Variants in TTC7A observed in about 807,000 individuals in gnomAD.
TTC7A encodes tetratricopeptide repeat protein 7A.
Under a neutral mutation model 103.7 loss-of-function variants are expected in TTC7A, and 110 were observed. The ratio of observed to expected loss-of-function variants is 1.06; its 90% CI spans 0.91 to 1.24. The LOEUF (loss-of-function observed/expected upper bound fraction) is 1.24. Ranked by LOEUF, TTC7A falls within the 50% of genes most tolerant of loss-of-function variation. The pLI is 0.00. For missense variants in TTC7A, 1,340 were observed against 1,116.3 expected (o/e 1.20, Z -2.86); for synonymous variants, 521 against 467.9 (o/e 1.11, Z -1.47).
At chr2:46,974,622 AAGG>A (rs1673670071) in intron 3 of TTC7A, 2 of 456,524 alleles carry the variant, frequency 4.4e-6, no homozygotes, top group African/African-American at 4.0e-5. Flanking sequence ...AACTAGGGAA[AAGG>A]AGGAAAGAGG....
intron 1 of TTC7A, among the ~76,000 whole-genome samples, chr2:46,942,882 T>A (rs1164845544): frequency 6.6e-6 from 1 of 151,564 alleles, no homozygotes; most frequent in Non-Finnish European, 1.5e-5. Context: ...TTGGTTGTCT[T>A]TTTGTTTTTG....
chr2:46,969,074 C>A (rs1673119534), intron 3 of TTC7A, among the ~76,000 whole-genome samples: 1 of 151,664 alleles, frequency 6.6e-6, no homozygotes, highest in Non-Finnish European at 1.5e-5. Flanking sequence ...GCCTTATTTT[C>A]TATTGATATA....
chr2:46,917,264 C>G (rs758465679), exon 2 of TTC7A: 2 of 697,554 alleles, frequency 2.9e-6, no homozygotes, highest in South Asian at 3.0e-5. Flanking sequence ...TCCCAAAGTG[C>G]TGGGATTACA....
intron 19 of TTC7A, among the ~76,000 whole-genome samples, chr2:47,062,164 C>G (rs1558643049): frequency 6.6e-6 from 1 of 152,222 alleles, no homozygotes; most frequent in Non-Finnish European, 1.5e-5. Context: ...AGTCTAGGCA[C>G]ATACTCAGTA....
In TTC7A at chr2:47,022,687, G is replaced by A. The variant is rs1291040633; in HGVS notation, c.1510+708G>A. Among the ~76,000 whole-genome samples, 7 of 152,126 alleles carry A rather than the reference G, an allele frequency of 4.6e-5. No homozygotes were observed. The South Asian group carries it at 8.3e-4, about 18-fold the overall frequency. On this transcript the variant is annotated intron_variant, in intron 12 of 19. Transcript: ENST00000319190. ...GCCAGTTGCTGGGAGCGGCAGTCAC[G>A]GTGACATCGGGTATAAATGAGCCCT... is the stretch of plus-strand genomic sequence containing the variant.
In TTC7A at chr2:47,074,102, T is replaced by G. The variant is rs1423098075; in HGVS notation, c.*179T>G. 1.7e-6 allele frequency: 1 copy of G among 604,656 alleles called. No individual in the cohort carries two copies. Among genetic ancestry groups the G allele is most frequent in the East Asian group, 2.8e-5 (1 of 36,156 alleles). 37.5% of individuals were successfully genotyped at this position (604,656 alleles called of 1,614,324 possible). On this transcript the variant is annotated 3_prime_UTR_variant, in exon 20 of 20. Transcript: ENST00000319190. The stretch of plus-strand genomic sequence containing the variant: ...CTGGGCCAAGAGGGCCTTCCTGGAT[T>G]TCTTTGTTGGTGCCTTGGGAAACAG...
chr2:46,916,137 C>T (rs1668777248), upstream of TTC7A: 3 of 985,420 alleles, frequency 3.0e-6, no homozygotes, highest in Non-Finnish European at 3.6e-6. Flanking sequence ...CCAAAGCTGG[C>T]TCCCAACTCC....
At chr2:47,031,961 C>T (rs977688858) in intron 15 of TTC7A, among the ~76,000 whole-genome samples, 3 of 152,236 alleles carry the variant, frequency 2.0e-5, no homozygotes, top group Non-Finnish European at 4.4e-5. Flanking sequence ...CTGCGTTCAT[C>T]TTCCCAGGCT....
intron 8 of TTC7A, among the ~76,000 whole-genome samples, chr2:46,997,393 G>A (rs963519896): frequency 6.6e-6 from 1 of 152,122 alleles, no homozygotes; most frequent in African/African-American, 2.4e-5. Context: ...AGCTAGGGAG[G>A]TTCCAAGCTG....
intron 15 of TTC7A, among the ~76,000 whole-genome samples, chr2:47,042,976 G>A (rs906078635): frequency 2.0e-5 from 3 of 152,186 alleles, no homozygotes; most frequent in Non-Finnish European, 4.4e-5. Flanking sequence ...AGGAGTCACA[G>A]CGTTCTGGTG....
intron 16 of TTC7A, among the ~76,000 whole-genome samples, chr2:47,049,232 C>T (rs1306380980): frequency 1.3e-5 from 2 of 152,150 alleles, no homozygotes; most frequent in Admixed American, 6.5e-5. Flanking sequence ...TGGGCTTCCT[C>T]GGCAGTGGGA....
intron 8 of TTC7A, among the ~76,000 whole-genome samples, chr2:46,996,123 T>C (rs1007992451): frequency 1.3e-5 from 2 of 152,178 alleles, no homozygotes; most frequent in Non-Finnish European, 2.9e-5. Context: ...CCAAGCACTT[T>C]GGGTGCTCAG....
intron 14 of TTC7A, among the ~76,000 whole-genome samples, chr2:47,024,805 G>A (rs1679709139): frequency 6.6e-6 from 1 of 152,042 alleles, no homozygotes; most frequent in Admixed American, 6.5e-5. Flanking sequence ...TTGGCTTCTG[G>A]GGCCCCATAG....
chr2:46,928,952 G>T (rs140724756), intron 2 of TTC7A, among the ~76,000 whole-genome samples: 125 of 152,124 alleles, frequency 8.2e-4, no homozygotes, highest in African/African-American at 2.9e-3. Flanking sequence ...TACTTGAGGT[G>T]AGGATTTTGA....
At chr2:46,956,588 G>A (rs1485759417) in intron 2 of TTC7A, 3 of 502,204 alleles carry the variant, frequency 6.0e-6, no homozygotes, top group Non-Finnish European at 1.1e-5. Context: ...TCTTGCTGGG[G>A]GCATAAAACG....
intron 15 of TTC7A, among the ~76,000 whole-genome samples, chr2:47,031,603 A>G (rs1160679312): frequency 1.3e-5 from 2 of 152,330 alleles, no homozygotes; most frequent in East Asian, 3.9e-4. Flanking sequence ...GAATTTCCTA[A>G]TGAAATCTTC....
In TTC7A at chr2:46,956,962, C is replaced by T; in HGVS notation, c.472C>T (p.Pro158Ser). ...GIDDMSMENK[P>S]LYQMRLLSEA... ...TGATGACATGTCCATGGAGAACAAG[C>T]CCCTGTATCAGATGCGGCTGCTGTC... is the stretch of plus-strand genomic sequence containing the variant. The change falls in exon 3 of 20, where the codon CCC (proline) becomes TCC (serine). Residue 158 changes from proline to serine, a missense_variant. Physicochemically the swap from Pro to Ser is moderately conservative, Grantham distance 74. Coordinates refer to ENST00000319190, the MANE Select transcript of TTC7A (RefSeq NM_020458.4). 6.2e-7 allele frequency: 1 copy of T among 1,614,142 alleles called. No homozygotes were observed. The highest frequency in any genetic ancestry group is 1.1e-5 in the South Asian group (1 of 91,082).
At chr2:46,975,726 A>G (rs973425035) in intron 4 of TTC7A, among the ~76,000 whole-genome samples, 2 of 151,060 alleles carry the variant, frequency 1.3e-5, no homozygotes, top group Non-Finnish European at 3.0e-5. Flanking sequence ...ATTTTTATGC[A>G]TTTTATTTAT....
chr2:46,994,501 T>A lies in TTC7A; in HGVS notation c.988T>A (p.Tyr330Asn). 6.2e-7 allele frequency: 1 copy of A among 1,613,952 alleles called. No individual in the cohort carries two copies. Among genetic ancestry groups the A allele is most frequent in the Non-Finnish European group, 8.5e-7 (1 of 1,179,930 alleles). ...TCAGGCCCTGCGGAAACCTCACCTCTATGAAGGAGACAAGTAAGTTCTGCC... is the reference window on the plus strand; with the variant it reads ...TCAGGCCCTGCGGAAACCTCACCTCAATGAAGGAGACAAGTAAGTTCTGCC... ...ATQALRKPHLYEGDNLYCPKD... is the reference protein window; with the variant it reads ...ATQALRKPHLNEGDNLYCPKD... Residue 330 changes from tyrosine (Y) to asparagine (N), a missense_variant, in exon 7 of 20, where the codon TAT becomes AAT. Coordinates refer to ENST00000319190, the MANE Select transcript of TTC7A (RefSeq NM_020458.4).
Sources: allele counts gnomAD v4.1 joint callset (sites outside exome capture counted in the v4.1 genomes callset), GRCh38; gene constraint gnomAD v4.1.1; transcripts MANE v1.5; gene names NCBI Gene and HGNC (gene_info 2026-07-23, HGNC 2026-07-21).